Variants in RBMS3 observed in about 807,000 individuals in gnomAD.
The protein encoded by RBMS3 is RNA-binding motif, single-stranded-interacting protein 3.
Under a neutral mutation model 66.8 loss-of-function variants are expected in RBMS3, and 27 were observed. The ratio of observed to expected loss-of-function variants is 0.40; its 90% CI spans 0.30 to 0.56. RBMS3 has a LOEUF of 0.56. Among genes scored for constraint, RBMS3 ranks in the 20% least tolerant of loss-of-function variants. The probability of loss-of-function intolerance (pLI) is 0.40; values close to 1 mark genes in which losing one functional copy is unlikely to be tolerated. For missense variants in RBMS3, 513 were observed against 549.5 expected (o/e 0.93, Z 0.66); for synonymous variants, 188 against 183.0 (o/e 1.03, Z -0.22).
intron 12 of RBMS3, among the ~76,000 whole-genome samples, chr3:29,953,739 T>C (rs750883795): frequency 5.3e-5 from 8 of 151,932 alleles, no homozygotes; most frequent in Non-Finnish European, 1.2e-4. Context: ...GCAAATTCGT[T>C]CTTTATAAGC....
At chr3:29,391,895 G>C (rs1199976368) in intron 1 of RBMS3, among the ~76,000 whole-genome samples, 1 of 152,212 alleles carries the variant, frequency 6.6e-6, no homozygotes, top group Non-Finnish European at 1.5e-5. Context: ...TAAATGAGTT[G>C]TATGAGATTG....
chr3:29,972,124 G>T (rs557609371), intron 12 of RBMS3, among the ~76,000 whole-genome samples: 4 of 151,960 alleles, frequency 2.6e-5, no homozygotes, highest in Admixed American at 1.3e-4. Flanking sequence ...AATTCCTTTG[G>T]CAAGGAGTGG....
At chr3:29,587,836 CA>C (rs1031465996) in intron 4 of RBMS3, among the ~76,000 whole-genome samples, 7 of 151,852 alleles carry the variant, frequency 4.6e-5, no homozygotes, top group Admixed American at 2.0e-4. Context: ...AATTAAGTAT[CA>C]TTAAATAGAA....
At chr3:29,966,086 A>G (rs562071405) in intron 12 of RBMS3, among the ~76,000 whole-genome samples, 15 of 152,134 alleles carry the variant, frequency 9.9e-5, no homozygotes, top group Middle Eastern at 3.2e-3. Flanking sequence ...CCATTGGTCT[A>G]TGTGCCTATT....
chr3:29,657,322 T>C (rs1197389963), intron 4 of RBMS3, among the ~76,000 whole-genome samples: 1 of 152,240 alleles, frequency 6.6e-6, no homozygotes, highest in Non-Finnish European at 1.5e-5. Context: ...GCTATTATAC[T>C]AGCTTCTCGA....
chr3:29,983,941 A>G (rs1698186276), intron 12 of RBMS3, among the ~76,000 whole-genome samples: 1 of 152,014 alleles, frequency 6.6e-6, no homozygotes, highest in Non-Finnish European at 1.5e-5. Flanking sequence ...TATTTCCTGA[A>G]TTTGAATGTT....
At chr3:29,817,366 G>C (rs112419951) in intron 6 of RBMS3, among the ~76,000 whole-genome samples, 5,206 of 151,702 alleles carry the variant, frequency 0.034, 274 homozygotes, top group African/African-American at 0.12. Context: ...ACCACGCCTG[G>C]CTAATTTTTT....
intron 3 of RBMS3, among the ~76,000 whole-genome samples, chr3:29,532,855 A>G (rs931321232): frequency 6.6e-6 from 1 of 152,144 alleles, no homozygotes; most frequent in Non-Finnish European, 1.5e-5. Context: ...TGGCCTTTTC[A>G]CTTCTGTGAA....
intron 2 of RBMS3, among the ~76,000 whole-genome samples, chr3:29,485,004 G>A (rs80268847): frequency 0.05 from 7,581 of 152,128 alleles, 447 homozygotes; most frequent in African/African-American, 0.15. Context: ...TCAGCAAAAG[G>A]GTTTAAAAAT....
At chr3:29,967,596 G>T (rs1393210194) in intron 12 of RBMS3, among the ~76,000 whole-genome samples, 1 of 152,040 alleles carries the variant, frequency 6.6e-6, no homozygotes, top group Non-Finnish European at 1.5e-5. Flanking sequence ...TGCCCGGCCT[G>T]GACTTTTTGT....
At chr3:29,730,309 G>C (rs565435286) in intron 4 of RBMS3, among the ~76,000 whole-genome samples, 3 of 120,474 alleles carry the variant, frequency 2.5e-5, no homozygotes, top group African/African-American at 6.2e-5. Context: ...TGTTCTGGGC[G>C]GGGGGCGGGG....
intron 3 of RBMS3, among the ~76,000 whole-genome samples, chr3:29,544,699 A>ATGTGTG (rs138879910): frequency 5.7e-4 from 86 of 150,776 alleles, no homozygotes; most frequent in African/African-American, 2.0e-3. Flanking sequence ...TGAAATGTAA[A>ATGTGTG]TGTGTGTGTG....
At chr3:29,702,603 TC>T (rs1317190293) in intron 4 of RBMS3, among the ~76,000 whole-genome samples, 2 of 152,186 alleles carry the variant, frequency 1.3e-5, no homozygotes, top group Non-Finnish European at 2.9e-5. Context: ...GTCTGCAGCT[TC>T]ATTCCTGAGG....
intron 4 of RBMS3, 66 bp from the exon 5 acceptor site, chr3:29,739,654 T>G (rs774357998): frequency 3.1e-5 from 42 of 1,362,132 alleles, no homozygotes; most frequent in Non-Finnish European, 3.8e-5. Context: ...AAACAAAAGT[T>G]TCTCTATTTG....
intron 12 of RBMS3, among the ~76,000 whole-genome samples, chr3:29,956,681 G>C (rs1696067221): frequency 6.6e-6 from 1 of 152,118 alleles, no homozygotes; most frequent in African/African-American, 2.4e-5. Flanking sequence ...AGTTACTCTA[G>C]GTAACTGCCA....
At chr3:29,546,751 A>T (rs2045966160) in intron 3 of RBMS3, among the ~76,000 whole-genome samples, 1 of 152,166 alleles carries the variant, frequency 6.6e-6, no homozygotes, top group East Asian at 1.9e-4. Context: ...CACTCAAGAG[A>T]TGTTTGGTTT....
chr3:29,614,566 AT>A (rs919996749), intron 4 of RBMS3: 32 of 152,176 alleles, frequency 2.1e-4, no homozygotes, highest in African/African-American at 7.5e-4. Flanking sequence ...CAAAAATAAA[AT>A]AAAAATTTAT....
At chr3:29,421,098 G>T (rs1575768516) in intron 1 of RBMS3, among the ~76,000 whole-genome samples, 1 of 151,266 alleles carries the variant, frequency 6.6e-6, no homozygotes, top group Non-Finnish European at 1.5e-5. Context: ...GGGCAACAGA[G>T]CGAGAGTCTG....
At position 29,510,841 on chromosome 3, in the gene RBMS3, C is replaced by A. The variant is rs542476535; in HGVS notation, c.307+22342C>A. Among the ~76,000 whole-genome samples, 3 of 152,240 alleles carry A rather than the reference C, an allele frequency of 2.0e-5. No individual in the cohort carries two copies. In the South Asian group the frequency reaches 6.2e-4, roughly 32 times the overall value. On this transcript the variant is annotated intron_variant, in intron 3 of 14. Transcript: ENST00000383767. The stretch of plus-strand genomic sequence containing the variant: ...TATAAAGATATGAGCAGATGCTATG[C>A]ATTTCTCTTGTTTAAAATTACAAGT...
Sources: gnomAD v4.1 joint callset for allele counts (sites outside exome capture counted in the v4.1 genomes callset) on GRCh38, gnomAD v4.1.1 for gene constraint, MANE v1.5 for transcripts, NCBI Gene and HGNC (gene_info 2026-07-23, HGNC 2026-07-21) for gene names.